Variants in CRB1 observed in about 807,000 individuals in gnomAD.
The protein encoded by CRB1 is crumbs cell polarity complex component 1.
In CRB1, 83 loss-of-function variants were observed where a neutral mutation model predicts 120.0. That is an observed-to-expected ratio of 0.69 (90% confidence interval 0.58 to 0.83). The LOEUF (loss-of-function observed/expected upper bound fraction) is 0.83. Among genes scored for constraint, CRB1 ranks in the 40% least tolerant of loss-of-function variants. The pLI is 0.00. For synonymous variants in CRB1, 625 were observed against 612.5 expected (o/e 1.02, Z -0.30); for missense variants, 1,699 against 1,687.6 (o/e 1.01, Z -0.12).
At chr1:197,337,721 A>G (rs894050913) in intron 2 of CRB1, among the ~76,000 whole-genome samples, 1 of 152,134 alleles carries the variant, frequency 6.6e-6, no homozygotes, top group Admixed American at 6.6e-5. Context: ...ACTTGAAAGT[A>G]TTATTTTTTG....
chr1:197,266,937 G>C (rs1654659015), upstream of CRB1, among the ~76,000 whole-genome samples: 1 of 152,052 alleles, frequency 6.6e-6, no homozygotes, highest in South Asian at 2.1e-4. Flanking sequence ...TGGAGATCAA[G>C]TTGGTTCAGT....
chr1:197,293,911 T>C (rs1156532982), intron 1 of CRB1, among the ~76,000 whole-genome samples: 1 of 152,080 alleles, frequency 6.6e-6, no homozygotes, highest in Non-Finnish European at 1.5e-5. Flanking sequence ...CAAAAATTAA[T>C]TCAAGATGGA....
intron 11 of CRB1, among the ~76,000 whole-genome samples, chr1:197,471,811 A>T (rs1666991510): frequency 6.6e-6 from 1 of 152,184 alleles, no homozygotes; most frequent in Middle Eastern, 3.4e-3. Context: ...CTAACAATTC[A>T]CTCATAAGAT....
intron 11 of CRB1, among the ~76,000 whole-genome samples, chr1:197,450,482 C>T (rs1665905464): frequency 6.6e-6 from 1 of 152,006 alleles, no homozygotes; most frequent in South Asian, 2.1e-4. Context: ...ATCCTGTCAC[C>T]AGGTAGTGAG....
chr1:197,429,074 G>A (rs1571543326), intron 7 of CRB1: 2 of 1,502,564 alleles, frequency 1.3e-6, no homozygotes, highest in Non-Finnish European at 9.0e-7. Flanking sequence ...TGGGCAACTG[G>A]AAACACCTTC....
chr1:197,284,925 G>A (rs560740293), intron 1 of CRB1, among the ~76,000 whole-genome samples: 45 of 151,870 alleles, frequency 3.0e-4, no homozygotes, highest in African/African-American at 9.2e-4. Flanking sequence ...TTCCTTTCAC[G>A]TCAAATAAAA....
At chr1:197,346,329 A>C (rs1359674653) in intron 3 of CRB1, among the ~76,000 whole-genome samples, 4 of 152,064 alleles carry the variant, frequency 2.6e-5, no homozygotes, top group Admixed American at 2.6e-4. Flanking sequence ...CAAAGGAATT[A>C]TGCAAATGGA....
intron 1 of CRB1, among the ~76,000 whole-genome samples, chr1:197,279,080 C>G (rs932111705): frequency 6.6e-6 from 1 of 151,802 alleles, no homozygotes; most frequent in African/African-American, 2.4e-5. Context: ...AAGCTTGCTT[C>G]GAAATTATTA....
rs1571877663 is a variant in CRB1, at chr1:197,347,276, A to G, written c.849-64A>G. The G allele has an allele frequency of 4.9e-6, 7 of 1,430,868 alleles. No homozygotes were observed. In the East Asian group the frequency reaches 1.4e-4, roughly 28 times the overall value. 88.6% of individuals were successfully genotyped at this position (1,430,868 alleles called of 1,614,324 possible). On this transcript the variant is annotated intron_variant, in intron 3 of 11. Coordinates refer to ENST00000367400, the MANE Select transcript of CRB1 (RefSeq NM_201253.3). ...TGGGTTGATAGACAGTTGAAGAAAC[A>G]GTATAAAGATATCTGATCTCAATAT...
intron 9 of CRB1, among the ~76,000 whole-genome samples, chr1:197,436,381 T>C (rs529626436): frequency 6.6e-6 from 1 of 152,062 alleles, no homozygotes; most frequent in African/African-American, 2.4e-5. Context: ...GGGTTGGTTT[T>C]GCTGTCTCAG....
At chr1:197,298,204 G>A (rs1361254017) in intron 1 of CRB1, among the ~76,000 whole-genome samples, 2 of 152,130 alleles carry the variant, frequency 1.3e-5, no homozygotes, top group Non-Finnish European at 2.9e-5. Context: ...GGAAAATAAA[G>A]AGAGGCAAGA....
chr1:197,290,937 C>T lies in CRB1; in HGVS notation c.70+22455C>T, dbSNP rs895293811. Among the ~76,000 whole-genome samples, 14 of 151,596 alleles carry T rather than the reference C, an allele frequency of 9.2e-5. 1 individual carries two copies. Among genetic ancestry groups the T allele is most frequent in the Admixed American group, 9.2e-4 (14 of 15,168 alleles). ...TAAATGTATTTTTAATTGTAATGAG[C>T]TCTAATCAAGAAAGAATTTTTCTTT... On this transcript the variant is annotated intron_variant, in intron 1 of 11. Coordinates refer to ENST00000367400, the MANE Select transcript of CRB1 (RefSeq NM_201253.3).
rs1656601031 is a variant in CRB1 at position 197,297,508 on chromosome 1, G to A, written c.70+29026G>A. Among the ~76,000 whole-genome samples the A allele has an allele frequency of 1.3e-5, 2 of 152,052 alleles. 1 individual carries two copies. The highest frequency in any genetic ancestry group is 1.3e-4 in the Admixed American group (2 of 15,246). ...GCAGGAGGAAAAGTACTGCATGGGAGTGCAGGATGAAAGATGACCAGTAGC... is the reference window on the plus strand; with the variant it reads ...GCAGGAGGAAAAGTACTGCATGGGAATGCAGGATGAAAGATGACCAGTAGC... On this transcript the variant is annotated intron_variant, in intron 1 of 11. Coordinates refer to ENST00000367400, the MANE Select transcript of CRB1 (RefSeq NM_201253.3).
chr1:197,370,861 C>T (rs917335600), intron 5 of CRB1, among the ~76,000 whole-genome samples: 3 of 152,080 alleles, frequency 2.0e-5, no homozygotes, highest in Non-Finnish European at 2.9e-5. Context: ...TTTCAGCATC[C>T]GTGTAGACAA....
chr1:197,206,676 T>C, the CRB1 span, among the ~76,000 whole-genome samples: 1 of 152,278 alleles, frequency 6.6e-6, no homozygotes, highest in South Asian at 2.1e-4. Context: ...TGGTCTGTCT[T>C]GGAGAATGTA....
intron 1 of CRB1, among the ~76,000 whole-genome samples, chr1:197,292,351 G>C (rs1656238413): frequency 6.6e-6 from 1 of 151,602 alleles, no homozygotes; most frequent in Non-Finnish European, 1.5e-5. Context: ...AGCATCCCAA[G>C]ACTAAGCCAG....
chr1:197,325,792 C>T (rs190041901), intron 1 of CRB1, among the ~76,000 whole-genome samples: 16 of 152,190 alleles, frequency 1.1e-4, no homozygotes, highest in African/African-American at 3.6e-4. Flanking sequence ...AGTGAGGATA[C>T]AATGAGGAGT....
At chr1:197,238,476 C>T in the CRB1 span, among the ~76,000 whole-genome samples, 5 of 151,986 alleles carry the variant, frequency 3.3e-5, no homozygotes, top group African/African-American at 1.2e-4. Context: ...TTTGAAAGTA[C>T]GATCTTTTTT....
intron 5 of CRB1, among the ~76,000 whole-genome samples, chr1:197,399,854 A>C (rs911248230): frequency 6.6e-6 from 1 of 152,180 alleles, no homozygotes; most frequent in Non-Finnish European, 1.5e-5. Context: ...AGCCTTCTCT[A>C]ACAATGGCAG....
Sources: allele counts gnomAD v4.1 joint callset (sites outside exome capture counted in the v4.1 genomes callset), GRCh38; gene constraint gnomAD v4.1.1; transcripts MANE v1.5; gene names NCBI Gene and HGNC (gene_info 2026-07-23, HGNC 2026-07-21).